COL23A1: variants seen among roughly 807,000 people sequenced by gnomAD.
The protein encoded by COL23A1 is collagen alpha-1(XXIII) chain.
COL23A1 carries 97 observed loss-of-function variants against 99.3 expected under a neutral mutation model. The observed-to-expected ratio is 0.98, with a 90% confidence interval of 0.83 to 1.16. The LOEUF (loss-of-function observed/expected upper bound fraction) is 1.16, where lower values mean the gene tolerates loss of function less well. Among genes scored for constraint, COL23A1 ranks in the 50% most tolerant of loss-of-function variants. COL23A1 has a pLI of 0.00. For synonymous variants in COL23A1, 320 were observed against 308.2 expected, an observed-to-expected ratio of 1.04 and a Z score of -0.40; for missense variants, 762 against 757.4, an observed-to-expected ratio of 1.01 and a Z score of -0.07.
chr5:178,254,983 A>G lies in COL23A1; in HGVS notation c.926T>C (p.Ile309Thr). Residue 309 changes from isoleucine (I) to threonine (T), a missense_variant, in exon 16 of 29, where the codon ATC becomes ACC. Coordinates refer to ENST00000390654, the MANE Select transcript of COL23A1 (RefSeq NM_173465.4). ...LKGEQGDTVV[I>T]DYDGRILDAL... Reference sequence around the variant, plus strand: ...ATCCAAGATCCTGCCATCATAGTCGATCACCACTGTGTCTCCCTGCTCGCC... The same window carrying G: ...ATCCAAGATCCTGCCATCATAGTCGGTCACCACTGTGTCTCCCTGCTCGCC... 1 of 1,613,750 alleles carries G rather than the reference A, an allele frequency of 6.2e-7. No homozygotes were observed. The highest frequency in any genetic ancestry group is 8.5e-7 in the Non-Finnish European group (1 of 1,179,812).
chr5:178,245,804 A>G, intron 25 of COL23A1, 138 bp downstream of exon 25: 1 of 967,086 alleles, frequency 1.0e-6, no homozygotes, highest in Non-Finnish European at 1.6e-6. Context: ...CAATGGGGAC[A>G]CAGGGGGAAC....
intron 2 of COL23A1, among the ~76,000 whole-genome samples, chr5:178,316,933 C>T (rs1426547302): frequency 2.0e-5 from 3 of 151,836 alleles, no homozygotes; most frequent in Admixed American, 6.6e-5. Flanking sequence ...AGAGAGTATA[C>T]GAGTCTTCCA....
chr5:178,371,267 C>G (rs900724490), intron 2 of COL23A1, among the ~76,000 whole-genome samples: 1 of 152,212 alleles, frequency 6.6e-6, no homozygotes, highest in African/African-American at 2.4e-5. Context: ...CTCCACTTCC[C>G]TATCCTACAT....
chr5:178,252,250 T>C (rs778661782), intron 17 of COL23A1, among the ~76,000 whole-genome samples: 17 of 152,230 alleles, frequency 1.1e-4, no homozygotes, highest in Admixed American at 5.2e-4. Flanking sequence ...CTTAGGATAA[T>C]GGCCTCTGGC....
At chr5:178,394,275 C>A (rs941597718) in intron 2 of COL23A1, among the ~76,000 whole-genome samples, 13 of 152,226 alleles carry the variant, frequency 8.5e-5, no homozygotes, top group African/African-American at 3.1e-4. Flanking sequence ...GATGCTCAGT[C>A]AGCCCAGAGG....
chr5:178,579,863 A>T lies in COL23A1; in HGVS notation c.294+10041T>A, dbSNP rs372802502. On this transcript the variant is annotated intron_variant, in intron 1 of 28. Coordinates refer to ENST00000390654, the MANE Select transcript of COL23A1 (RefSeq NM_173465.4). The stretch of plus-strand genomic sequence containing the variant: ...TCAAAGCCAAATCATTGTTTCCACC[A>T]GGTCTGCCATGAGGCTGTGGAAAGG... Among the ~76,000 whole-genome samples the T allele has an allele frequency of 3.9e-4, 59 of 152,324 alleles. 2 individuals carry two copies. In the South Asian group the frequency reaches 0.012, roughly 31 times the overall value.
chr5:178,381,464 G>C (rs181649795), intron 2 of COL23A1, among the ~76,000 whole-genome samples: 73 of 152,348 alleles, frequency 4.8e-4, no homozygotes, highest in African/African-American at 1.7e-3. Flanking sequence ...CCGGGAGAGA[G>C]GGTCCTGCCT....
intron 4 of COL23A1, among the ~76,000 whole-genome samples, chr5:178,288,859 C>T (rs1487571586): frequency 1.3e-5 from 2 of 152,210 alleles, no homozygotes; most frequent in African/African-American, 4.8e-5. Context: ...GGAGCAGTGA[C>T]CACCCTGCCT....
Position 178,523,181 on chromosome 5 carries a change from C to T in COL23A1, c.361+37501G>A, listed in dbSNP as rs868226565. 7.9e-4 allele frequency among the ~76,000 whole-genome samples: 71 copies of T among 90,416 alleles called. 1 individual carries two copies. The highest frequency in any genetic ancestry group is 2.4e-3 in the African/African-American group (62 of 25,846). 59.3% of individuals were successfully genotyped at this position (90,416 alleles called of 152,430 possible). On this transcript the variant is annotated intron_variant, in intron 2 of 28. Transcript: ENST00000390654. ...ATATATACATATATATATATATACA[C>T]ATATATATATATATATATATAGAGA...
At chr5:178,425,566 C>T (rs1034707892) in intron 2 of COL23A1, among the ~76,000 whole-genome samples, 1 of 151,994 alleles carries the variant, frequency 6.6e-6, no homozygotes, top group African/African-American at 2.4e-5. Context: ...CACCACAGGG[C>T]AGTTTTGAGA....
Position 178,415,419 on chromosome 5 carries a change from G to C in COL23A1, c.362-108500C>G, listed in dbSNP as rs1296058399. 6.6e-6 allele frequency among the ~76,000 whole-genome samples: 1 copy of C among 152,188 alleles called. No homozygotes were observed. ...GCCCCCCACCCTCAGTGCACAGGCT[G>C]TGGCCTCTTTCTCCCCGGGCCCGGG... On this transcript the variant is annotated intron_variant, in intron 2 of 28. Transcript: ENST00000390654. This position sits in a 1 kb window ranked among gnomAD's most constrained non-coding sequence, Gnocchi z 4.6.
chr5:178,453,970 G>C (rs1034818151), intron 2 of COL23A1, among the ~76,000 whole-genome samples: 3 of 152,080 alleles, frequency 2.0e-5, no homozygotes, highest in African/African-American at 7.2e-5. Flanking sequence ...GCCAAAGTTT[G>C]TAAGATAAAA....
chr5:178,449,886 C>A (rs1425977705), intron 2 of COL23A1, among the ~76,000 whole-genome samples: 1 of 152,156 alleles, frequency 6.6e-6, no homozygotes, highest in Non-Finnish European at 1.5e-5. Flanking sequence ...ATGCCCCTTT[C>A]ACCCACGTTG....
chr5:178,499,460 T>G (rs961325878), intron 2 of COL23A1, among the ~76,000 whole-genome samples: 9 of 152,166 alleles, frequency 5.9e-5, no homozygotes, highest in African/African-American at 2.2e-4. Context: ...TCCTCCTACA[T>G]CTCCATCAGC....
rs1347079816 is a variant in COL23A1, at chr5:178,368,456, T to C, written c.362-61537A>G. 4.6e-5 allele frequency among the ~76,000 whole-genome samples: 7 copies of C among 152,240 alleles called. No homozygotes were observed. The East Asian group carries it at 1.4e-3, about 29-fold the overall frequency. ...CACACTGACGAGTCATCACCCACAT[T>C]CCATAGTGTACGTTAGGGTTCACTC... On this transcript the variant is annotated intron_variant, in intron 2 of 28. Coordinates refer to ENST00000390654, the MANE Select transcript of COL23A1 (RefSeq NM_173465.4).
chr5:178,320,240 T>A (rs570001186), intron 2 of COL23A1, among the ~76,000 whole-genome samples: 10 of 152,378 alleles, frequency 6.6e-5, no homozygotes, highest in Non-Finnish European at 1.0e-4. Flanking sequence ...GCAGGGCTCC[T>A]GTACGCTGGC....
intron 2 of COL23A1, among the ~76,000 whole-genome samples, chr5:178,559,178 C>T (rs1253482596): frequency 6.6e-6 from 1 of 152,176 alleles, no homozygotes; most frequent in African/African-American, 2.4e-5. Context: ...CCTATAAAGG[C>T]TAGCTCAAGC....
chr5:178,476,625 C>G (rs1234232142), intron 2 of COL23A1, among the ~76,000 whole-genome samples: 1 of 152,244 alleles, frequency 6.6e-6, no homozygotes, highest in East Asian at 1.9e-4. Flanking sequence ...ATTCTGCCTG[C>G]CGTGCTCCTC....
chr5:178,397,627 AG>A (rs1478347125), intron 2 of COL23A1, among the ~76,000 whole-genome samples: 1 of 152,208 alleles, frequency 6.6e-6, no homozygotes, highest in Non-Finnish European at 1.5e-5. Flanking sequence ...CTGTTTGAGG[AG>A]GTTATCTGTG....
Sources: allele counts gnomAD v4.1 joint callset (sites outside exome capture counted in the v4.1 genomes callset), GRCh38; gene constraint gnomAD v4.1.1; non-coding constraint Gnocchi (gnomAD v3.1); transcripts MANE v1.5; gene names NCBI Gene and HGNC (gene_info 2026-07-23, HGNC 2026-07-21).